Variants in PRPSAP2 observed in about 807,000 individuals in gnomAD.
PRPSAP2 encodes phosphoribosyl pyrophosphate synthase-associated protein 2.
A neutral mutation model predicts 40.6 loss-of-function variants in PRPSAP2; 24 were observed. The ratio of observed to expected loss-of-function variants is 0.59; its 90% CI spans 0.43 to 0.83. PRPSAP2 has a LOEUF of 0.83. Ranked by LOEUF, PRPSAP2 falls within the 40% of genes least tolerant of loss-of-function variation. The pLI, the probability that PRPSAP2 is intolerant of heterozygous loss-of-function variation, is 0.00. For missense variants in PRPSAP2, 292 were observed against 465.6 expected (o/e 0.63, Z 3.43); for synonymous variants, 149 against 164.7 (o/e 0.90, Z 0.73).
In PRPSAP2 at chr17:18,931,066, A is replaced by C. The variant is rs1001185732; in HGVS notation, c.*368A>C. The C allele has an allele frequency of 6.3e-6, 1 of 157,898 alleles. No individual in the cohort carries two copies. Among genetic ancestry groups the C allele is most frequent in the Non-Finnish European group, 1.4e-5 (1 of 71,936 alleles). The allele number at this position is 157,898 out of a possible 1,614,324, so 9.8% of individuals were successfully genotyped here. A position where few individuals can be genotyped will look rare whatever the true frequency, so the allele number is the denominator to read the frequency against. Reference sequence around the variant, plus strand: ...ATAAAATGATCTGTATGATACCTGCAATTGAAAAGCCGAAAAGATTATACT... The same window carrying C: ...ATAAAATGATCTGTATGATACCTGCCATTGAAAAGCCGAAAAGATTATACT... On this transcript the variant is annotated 3_prime_UTR_variant, in exon 12 of 12. Coordinates refer to ENST00000268835, the MANE Select transcript of PRPSAP2 (RefSeq NM_002767.4).
At chr17:18,879,882 GA>G (rs2038598804) in intron 6 of PRPSAP2, among the ~76,000 whole-genome samples, 1 of 182 alleles carries the variant, frequency 5.5e-3, no homozygotes. Flanking sequence ...GCGATCACCT[GA>G]GGTTGGGAGT....
At chr17:18,889,683 T>A in intron 7 of PRPSAP2, 139 bp from the exon 8 acceptor site, 1 of 601,514 alleles carries the variant, frequency 1.7e-6, no homozygotes. Flanking sequence ...CAGGTTCCTT[T>A]CTTCATTTTC....
At position 18,881,530 on chromosome 17, in the gene PRPSAP2, G is replaced by A. The variant is rs370744891; in HGVS notation, c.413-1038G>A. ...TGGGATTACAGGCGTGAGCCACCGT[G>A]TCCGGCCTTATTTTTTATTTTTTTG... On this transcript the variant is annotated intron_variant, in intron 6 of 11. Coordinates refer to ENST00000268835, the MANE Select transcript of PRPSAP2 (RefSeq NM_002767.4). Among the ~76,000 whole-genome samples the A allele has an allele frequency of 2.0e-3, 303 of 152,058 alleles. 1 individual carries two copies. The highest frequency in any genetic ancestry group is 7.1e-3 in the African/African-American group (294 of 41,504).
At chr17:18,910,147 A>G (rs1318467078) in intron 8 of PRPSAP2, among the ~76,000 whole-genome samples, 1 of 151,964 alleles carries the variant, frequency 6.6e-6, no homozygotes, top group Non-Finnish European at 1.5e-5. Flanking sequence ...GGCCAGGCGC[A>G]AGTGGCTCAC....
intron 8 of PRPSAP2, among the ~76,000 whole-genome samples, chr17:18,899,026 T>TC (rs2040098442): frequency 1.3e-5 from 2 of 152,166 alleles, no homozygotes; most frequent in African/African-American, 4.8e-5. Context: ...TGCCTCAGCC[T>TC]CCCAAGTAGC....
intron 8 of PRPSAP2, among the ~76,000 whole-genome samples, chr17:18,901,858 T>C (rs1264156857): frequency 3.9e-5 from 6 of 152,170 alleles, no homozygotes; most frequent in Middle Eastern, 3.2e-3. Flanking sequence ...CACGGCTCAC[T>C]GTAGCCTCCA....
At chr17:18,886,456 C>T (rs773319613) in intron 7 of PRPSAP2, among the ~76,000 whole-genome samples, 49 of 151,786 alleles carry the variant, frequency 3.2e-4, no homozygotes, top group Non-Finnish European at 5.0e-4. Context: ...CCCGGGTTCA[C>T]GCCATTCTCC....
chr17:18,914,343 C>T (rs1161380493), intron 9 of PRPSAP2, among the ~76,000 whole-genome samples: 1 of 144,940 alleles, frequency 6.9e-6, no homozygotes, highest in Non-Finnish European at 1.5e-5. Context: ...CTGCAGCCTC[C>T]ACCTCCCGGG....
At chr17:18,916,069 C>T (rs35115736) in intron 9 of PRPSAP2, among the ~76,000 whole-genome samples, 27,303 of 152,024 alleles carry the variant, frequency 0.18, 2,698 homozygotes, top group African/African-American at 0.24. Flanking sequence ...CTGCCTACCT[C>T]GGCCTCCCAA....
chr17:18,881,274 C>T (rs2038713160), intron 6 of PRPSAP2, among the ~76,000 whole-genome samples: 1 of 151,278 alleles, frequency 6.6e-6, no homozygotes, highest in South Asian at 2.1e-4. Flanking sequence ...CTCCCCCTTT[C>T]ACCCAGGTCG....
At chr17:18,908,220 G>A (rs2040722411) in intron 8 of PRPSAP2, 8 of 695,498 alleles carry the variant, frequency 1.2e-5, no homozygotes, top group Non-Finnish European at 1.6e-5. Flanking sequence ...CGGAGCCAGC[G>A]ACGGGAGGCC....
intron 8 of PRPSAP2, among the ~76,000 whole-genome samples, chr17:18,903,889 C>T (rs951292371): frequency 1.3e-5 from 2 of 152,154 alleles, no homozygotes; most frequent in African/African-American, 2.4e-5. Context: ...ACCCAGACTT[C>T]GAGCAGGAGA....
In PRPSAP2 at chr17:18,922,672, T is replaced by A. The variant is rs1156868027; in HGVS notation, c.734-1242T>A. On this transcript the variant is annotated intron_variant, in intron 9 of 11. Transcript: ENST00000268835. ...TGGCGCATATATATATATATAATTT[T>A]TTTTTTTTTTTTTTTTTTTGCGACA... 2.9e-5 allele frequency among the ~76,000 whole-genome samples: 3 copies of A among 105,034 alleles called. No homozygotes were observed. The South Asian group carries it at 7.5e-4, about 26-fold the overall frequency. The allele number at this position is 105,034 out of a possible 152,430, so 68.9% of individuals were successfully genotyped here.
chr17:18,897,285 C>G (rs1473464805), intron 8 of PRPSAP2, among the ~76,000 whole-genome samples: 1 of 152,108 alleles, frequency 6.6e-6, no homozygotes, highest in Non-Finnish European at 1.5e-5. Context: ...CAAGATTCAG[C>G]TGTTTTTCTT....
At chr17:18,883,545 A>AGCTG (rs1448615513) in intron 7 of PRPSAP2, among the ~76,000 whole-genome samples, 1 of 151,652 alleles carries the variant, frequency 6.6e-6, no homozygotes, top group African/African-American at 2.4e-5. Flanking sequence ...GCGCCAACAC[A>AGCTG]GCTGGCTAAT....
chr17:18,868,892 A>G (rs1357965905), intron 4 of PRPSAP2, among the ~76,000 whole-genome samples: 3 of 152,084 alleles, frequency 2.0e-5, no homozygotes, highest in Non-Finnish European at 4.4e-5. Context: ...TACATATTAT[A>G]AAGCCTACAG....
intron 8 of PRPSAP2, among the ~76,000 whole-genome samples, chr17:18,907,224 A>G (rs912541673): frequency 1.3e-5 from 2 of 152,142 alleles, no homozygotes; most frequent in Admixed American, 1.3e-4. Flanking sequence ...AAAAAGAGTA[A>G]GACTCAGCAT....
At chr17:18,897,078 C>T (rs2039952534) in intron 8 of PRPSAP2, among the ~76,000 whole-genome samples, 3 of 151,956 alleles carry the variant, frequency 2.0e-5, no homozygotes, top group South Asian at 2.1e-4. Flanking sequence ...ACCTCAGCCT[C>T]CCAAGTAGCT....
intron 8 of PRPSAP2, among the ~76,000 whole-genome samples, chr17:18,909,120 A>G (rs557678578): frequency 1.1e-4 from 17 of 152,318 alleles, no homozygotes; most frequent in African/African-American, 3.6e-4. Flanking sequence ...TGGTTAGGAG[A>G]AAACAAGACA....
Sources: gnomAD v4.1 joint callset for allele counts (sites outside exome capture counted in the v4.1 genomes callset) on GRCh38, gnomAD v4.1.1 for gene constraint, MANE v1.5 for transcripts, NCBI Gene and HGNC (gene_info 2026-07-23, HGNC 2026-07-21) for gene names.